The following DPP6 variants were observed in gnomAD, a reference collection of about 807,000 sequenced individuals.
DPP6 encodes dipeptidyl peptidase like 6, also known as A-type potassium channel modulatory protein DPP6.
DPP6 carries 69 observed loss-of-function variants against 122.6 expected under a neutral mutation model. That is an observed-to-expected ratio of 0.56 (90% CI 0.46 to 0.69). The LOEUF (loss-of-function observed/expected upper bound fraction) is 0.69, where lower values mean the gene tolerates loss of function less well. Among genes scored for constraint, DPP6 ranks in the 30% least tolerant of loss-of-function variants. DPP6 has a pLI of 0.00. For synonymous variants in DPP6, 418 were observed against 433.1 expected (o/e 0.97, Z 0.43); for missense variants, 928 against 1,116.9 (o/e 0.83, Z 2.41).
At chr7:154,220,226 T>C (rs1031708010) in intron 1 of DPP6, among the ~76,000 whole-genome samples, 3 of 152,160 alleles carry the variant, frequency 2.0e-5, no homozygotes, top group Non-Finnish European at 2.9e-5. Context: ...AAGCCCCTTA[T>C]AAAAGGGGCT....
intron 17 of DPP6, 39 bp from the exon 18 acceptor site, chr7:154,867,956 C>T (rs1179760254): frequency 5.1e-6 from 8 of 1,554,488 alleles, no homozygotes; most frequent in Non-Finnish European, 7.0e-6. Context: ...CCATGAGTGA[C>T]CACTGCATCT....
chr7:154,116,233 G>C (rs1806973970), intron 1 of DPP6, among the ~76,000 whole-genome samples: 1 of 152,124 alleles, frequency 6.6e-6, no homozygotes, highest in Non-Finnish European at 1.5e-5. Flanking sequence ...CATAAAGAGT[G>C]GTTAAATGAA....
At chr7:154,641,888 C>T (rs1437073590) in intron 6 of DPP6, among the ~76,000 whole-genome samples, 1 of 152,102 alleles carries the variant, frequency 6.6e-6, no homozygotes, top group Non-Finnish European at 1.5e-5. Context: ...TGGCCATGTT[C>T]TGTGGATATT....
the DPP6 span, among the ~76,000 whole-genome samples, chr7:153,846,535 T>C: frequency 5.3e-5 from 8 of 152,072 alleles, no homozygotes; most frequent in Admixed American, 1.3e-4. Context: ...TATTTAAACT[T>C]ATTTTATGGC....
chr7:154,626,977 C>G (rs10236177), intron 5 of DPP6, among the ~76,000 whole-genome samples: 4 of 108,646 alleles, frequency 3.7e-5, no homozygotes. Flanking sequence ...CAAATTTTAT[C>G]TGGGGTCCAT....
At chr7:153,914,936 TTTTA>T (rs1341572444) in intron 1 of DPP6, among the ~76,000 whole-genome samples, 1 of 152,248 alleles carries the variant, frequency 6.6e-6, no homozygotes, top group Non-Finnish European at 1.5e-5. Context: ...GAACTCTTGC[TTTTA>T]TTTATTATTT....
chr7:154,894,170 A>G lies in DPP6; in HGVS notation c.*1690A>G, dbSNP rs1806866092. ...ATTTCAATGGGCCTGAACGACTACA[A>G]AGCCAGCTAGGTCTGGAAGGGGAAG... On this transcript the variant is annotated 3_prime_UTR_variant, in exon 26 of 26. Coordinates refer to ENST00000377770, the MANE Select transcript of DPP6 (RefSeq NM_130797.4). The G allele has an allele frequency of 6.6e-6, 1 of 152,240 alleles. No individual in the cohort carries two copies. 9.4% of individuals were successfully genotyped at this position (152,240 alleles called of 1,614,324 possible). A position where few individuals can be genotyped will look rare whatever the true frequency, so the allele number is the denominator to read the frequency against.
In DPP6 at chr7:154,241,558, T is replaced by TCAAAA. The variant is rs1801619010; in HGVS notation, c.243+188506_243+188510dup. On this transcript the variant is annotated intron_variant, in intron 1 of 25. Transcript: ENST00000377770. The surrounding 1 kb of genome is among the most constrained non-coding windows in gnomAD (Gnocchi z 9.0). The stretch of plus-strand genomic sequence containing the variant: ...CTGAGTAACAAAGTGAGACCCTGTC[T>TCAAAA]CAAAACAAAACAAAAAAAAGATCCA... Among the ~76,000 whole-genome samples the TCAAAA allele has an allele frequency of 1.3e-5, 2 of 151,980 alleles. No homozygotes were observed. The highest frequency in any genetic ancestry group is 4.8e-5 in the African/African-American group (2 of 41,356).
In DPP6 at chr7:154,713,609, C is replaced by T. The variant is rs188752555; in HGVS notation, c.763-14158C>T. On this transcript the variant is annotated intron_variant, in intron 7 of 25. Coordinates refer to ENST00000377770, the MANE Select transcript of DPP6 (RefSeq NM_130797.4). ...GCTTGCACCCTCTGAAGCAATGGCC[C>T]AAGCTGTACGTTGGCCCCTTTTAGC... Among the ~76,000 whole-genome samples the T allele has an allele frequency of 4.0e-3, 610 of 152,340 alleles. 4 individuals are homozygous for T. The highest frequency in any genetic ancestry group is 0.014 in the African/African-American group (583 of 41,586).
chr7:153,933,964 G>T (rs1801303128), intron 1 of DPP6, among the ~76,000 whole-genome samples: 1 of 152,238 alleles, frequency 6.6e-6, no homozygotes, highest in African/African-American at 2.4e-5. Flanking sequence ...TTCATGCTTT[G>T]TCAGTGGCTG....
intron 7 of DPP6, among the ~76,000 whole-genome samples, chr7:154,683,481 CCTT>C (rs774663511): frequency 1.9e-4 from 29 of 152,168 alleles, no homozygotes; most frequent in Non-Finnish European, 3.2e-4. Flanking sequence ...TGAAAATCCA[CCTT>C]CTTCTTTCTG....
chr7:154,085,119 A>G (rs1474075806), intron 1 of DPP6, among the ~76,000 whole-genome samples: 1 of 130,938 alleles, frequency 7.6e-6, no homozygotes, highest in Non-Finnish European at 1.7e-5. Context: ...AAGAATAAAG[A>G]AAAAAAAAGA....
chr7:154,884,512 C>G (rs1046674087), intron 21 of DPP6: 8 of 151,890 alleles, frequency 5.3e-5, no homozygotes, highest in African/African-American at 1.5e-4. Flanking sequence ...CATACACATG[C>G]TCACACACAT....
chr7:153,942,126 G>A (rs758710417), intron 1 of DPP6, among the ~76,000 whole-genome samples: 3 of 152,214 alleles, frequency 2.0e-5, no homozygotes, highest in Admixed American at 6.5e-5. Flanking sequence ...TAGCACCACC[G>A]TTGTGCATGT....
At chr7:154,357,679 A>G (rs1394652886) in intron 1 of DPP6, among the ~76,000 whole-genome samples, 1 of 151,150 alleles carries the variant, frequency 6.6e-6, no homozygotes, top group Non-Finnish European at 1.5e-5. Context: ...CTGGTGGCTC[A>G]TGCCTGTAAT....
At chr7:154,751,609 CAA>C (rs11339562) in intron 8 of DPP6, among the ~76,000 whole-genome samples, 197 of 87,350 alleles carry the variant, frequency 2.3e-3, no homozygotes, top group Middle Eastern at 0.02. Flanking sequence ...GACTCTGTCT[CAA>C]AAAAAAAAAA....
At chr7:154,648,377 T>C (rs1836644913) in intron 6 of DPP6, among the ~76,000 whole-genome samples, 1 of 152,104 alleles carries the variant, frequency 6.6e-6, no homozygotes, top group African/African-American at 2.4e-5. Context: ...GTTTATTTTG[T>C]TTTGTTTCTA....
intron 1 of DPP6, among the ~76,000 whole-genome samples, chr7:154,170,740 TG>T (rs1183053044): frequency 1.3e-5 from 2 of 152,192 alleles, no homozygotes; most frequent in East Asian, 3.9e-4. Flanking sequence ...CGTTTACAAG[TG>T]AGATATCCAC....
chr7:153,998,305 A>G (rs1388979382), intron 1 of DPP6, among the ~76,000 whole-genome samples: 5 of 152,220 alleles, frequency 3.3e-5, no homozygotes, highest in Non-Finnish European at 7.3e-5. Flanking sequence ...TCAATCAAAT[A>G]TTCTATATTT....
Sources: allele counts gnomAD v4.1 joint callset (sites outside exome capture counted in the v4.1 genomes callset), GRCh38; gene constraint gnomAD v4.1.1; non-coding constraint Gnocchi (gnomAD v3.1); transcripts MANE v1.5; gene names NCBI Gene and HGNC (gene_info 2026-07-23, HGNC 2026-07-21).